CDH4: variants seen among roughly 807,000 people sequenced by gnomAD.
CDH4 encodes the protein cadherin-4.
Under a neutral mutation model 86.0 loss-of-function variants are expected in CDH4, and 33 were observed. That is an observed-to-expected ratio of 0.38 (90% CI 0.29 to 0.51). The LOEUF (loss-of-function observed/expected upper bound fraction) is 0.51, where lower values mean the gene tolerates loss of function less well. Among genes scored for constraint, CDH4 ranks in the 20% least tolerant of loss-of-function variants. The pLI is 0.86. For missense variants in CDH4, 1,114 were observed against 1,307.4 expected, an observed-to-expected ratio of 0.85 and a Z score of 2.28; for synonymous variants, 555 against 549.4, an observed-to-expected ratio of 1.01 and a Z score of -0.14.
chr20:61,330,902 A>G (rs1170538380), intron 2 of CDH4, among the ~76,000 whole-genome samples: 2 of 152,126 alleles, frequency 1.3e-5, no homozygotes, highest in South Asian at 2.1e-4. Flanking sequence ...CCAGTTTCCT[A>G]TCATAAAATC....
intron 6 of CDH4, among the ~76,000 whole-genome samples, chr20:61,856,585 C>T (rs1983021756): frequency 7.4e-6 from 1 of 134,352 alleles, no homozygotes; most frequent in Non-Finnish European, 1.6e-5. Flanking sequence ...CATTCTTCCC[C>T]AGCCCCCTAG....
intron 2 of CDH4, among the ~76,000 whole-genome samples, chr20:61,382,422 C>A (rs1266693061): frequency 6.6e-6 from 1 of 152,214 alleles, no homozygotes; most frequent in Non-Finnish European, 1.5e-5. Context: ...AAGACCCTGG[C>A]ATGGGGGACC....
chr20:61,891,463 G>A lies in CDH4; in HGVS notation c.1051-3447G>A, dbSNP rs145374429. 2.4e-4 allele frequency among the ~76,000 whole-genome samples: 36 copies of A among 152,364 alleles called. 2 individuals are homozygous for A. In the East Asian group the frequency reaches 6.8e-3, roughly 29 times the overall value. Reference sequence around the variant, plus strand: ...CGGCCCTGCAGGAGCTCTGAGTGCTGCAGTCCTCCCCCCTTCTCCAGGTGA... The same window carrying A: ...CGGCCCTGCAGGAGCTCTGAGTGCTACAGTCCTCCCCCCTTCTCCAGGTGA... On this transcript the variant is annotated intron_variant, in intron 7 of 15. Transcript: ENST00000614565.
chr20:61,765,820 C>A (rs1384222962), intron 3 of CDH4, among the ~76,000 whole-genome samples: 6 of 152,068 alleles, frequency 3.9e-5, no homozygotes, highest in Non-Finnish European at 7.4e-5. Context: ...CCCACCCTCC[C>A]ATCTCAAACC....
intron 4 of CDH4, among the ~76,000 whole-genome samples, chr20:61,782,345 A>G (rs1196449491): frequency 6.6e-6 from 1 of 152,126 alleles, no homozygotes; most frequent in Non-Finnish European, 1.5e-5. Flanking sequence ...AAATAAAGAC[A>G]TTCCTGATAA....
At chr20:61,461,668 T>C (rs1237224515) in intron 2 of CDH4, among the ~76,000 whole-genome samples, 2 of 152,158 alleles carry the variant, frequency 1.3e-5, no homozygotes, top group Non-Finnish European at 2.9e-5. Context: ...ACTGTTACTC[T>C]CTGGAATTTG....
intron 2 of CDH4, among the ~76,000 whole-genome samples, chr20:61,565,062 T>TTGGTGGTGGTGGTGGTGGTGGTGGGGG (rs2086254549): frequency 9.9e-6 from 1 of 101,218 alleles, no homozygotes. Flanking sequence ...GGTGGTGCTC[T>TTGGTGGTGGTGGTGGTGGTGGTGGGGG]TGGTGGTGGT....
chr20:61,323,489 A>G (rs2084520108), intron 2 of CDH4, among the ~76,000 whole-genome samples: 1 of 152,164 alleles, frequency 6.6e-6, no homozygotes, highest in African/African-American at 2.4e-5. Flanking sequence ...AACACAAAAT[A>G]ATGTGTGATG....
At chr20:61,521,863 G>A (rs1258861168) in intron 2 of CDH4, among the ~76,000 whole-genome samples, 3 of 152,206 alleles carry the variant, frequency 2.0e-5, no homozygotes, top group East Asian at 3.8e-4. Flanking sequence ...GGCCTGTGCT[G>A]ATTTTAGTCG....
intron 2 of CDH4, among the ~76,000 whole-genome samples, chr20:61,545,984 AGGGGTGTCTGTG>A (rs2086078708): frequency 5.8e-5 from 1 of 17,272 alleles, no homozygotes. Flanking sequence ...GTGTGTGTGG[AGGGGTGTCTGTG>A]CATGTGTGGA....
At chr20:61,746,026 G>T (rs1023541517) in intron 3 of CDH4, among the ~76,000 whole-genome samples, 7 of 152,176 alleles carry the variant, frequency 4.6e-5, no homozygotes, top group African/African-American at 1.7e-4. Flanking sequence ...CCAACCAGCG[G>T]AGCAGGGGAC....
intron 2 of CDH4, among the ~76,000 whole-genome samples, chr20:61,315,886 A>AT (rs2084473738): frequency 6.6e-6 from 1 of 151,932 alleles, no homozygotes; most frequent in South Asian, 2.1e-4. Flanking sequence ...TGTTTTTTGT[A>AT]TTTTTTGTAG....
At chr20:61,272,682 G>T (rs1006311508) in intron 2 of CDH4, among the ~76,000 whole-genome samples, 3 of 152,054 alleles carry the variant, frequency 2.0e-5, no homozygotes, top group African/African-American at 7.2e-5. Context: ...ACAGTTTGGG[G>T]AAGTACCCTG....
chr20:61,934,072 A>T lies in CDH4; in HGVS notation c.2396A>T (p.Gln799Leu). The T allele has an allele frequency of 6.2e-7, 1 of 1,611,044 alleles. No individual in the cohort carries two copies. Among genetic ancestry groups the T allele is most frequent in the East Asian group, 2.2e-5 (1 of 44,848 alleles). The change falls in exon 15 of 16, where the codon CAG becomes CTG. Residue 799 changes from glutamine (Q) to leucine (L), a missense_variant. Transcript: ENST00000614565. ...GEEDQDYDLSQLQQPEAMGHV... is the reference protein window; with the variant it reads ...GEEDQDYDLSLLQQPEAMGHV... ...CTCCCCCAGGACTACGACCTCAGCC[A>T]GCTGCAGCAGCCGGAAGCCATGGGG...
At chr20:61,765,593 A>G (rs2088688911) in intron 3 of CDH4, among the ~76,000 whole-genome samples, 1 of 152,124 alleles carries the variant, frequency 6.6e-6, no homozygotes, top group Non-Finnish European at 1.5e-5. Context: ...GAGGAGGAGG[A>G]CGGTGTCTCC....
intron 12 of CDH4, among the ~76,000 whole-genome samples, chr20:61,929,159 C>G (rs201034546): frequency 2.0e-5 from 3 of 148,530 alleles, no homozygotes; most frequent in Admixed American, 1.3e-4. Context: ...TCTCCAATGT[C>G]TTTTTTTTTT....
chr20:61,451,123 C>G (rs1600689714), intron 2 of CDH4, among the ~76,000 whole-genome samples: 1 of 73,138 alleles, frequency 1.4e-5, no homozygotes, highest in African/African-American at 1.1e-4. Context: ...CCCTCTCACG[C>G]CCCCCCCCTT....
chr20:61,534,665 CTTTTTT>C (rs34309371), intron 2 of CDH4, among the ~76,000 whole-genome samples: 1 of 76,066 alleles, frequency 1.3e-5, no homozygotes, highest in African/African-American at 1.1e-4. Context: ...TTCTTTCTTT[CTTTTTT>C]TTTTTTTTTT....
At chr20:61,868,496 G>A (rs912674936) in intron 6 of CDH4, among the ~76,000 whole-genome samples, 1 of 152,288 alleles carries the variant, frequency 6.6e-6, no homozygotes, top group Admixed American at 6.5e-5. Context: ...ATCATAGACA[G>A]TAGAGGGAAG....
Sources: gnomAD v4.1 joint callset for allele counts (sites outside exome capture counted in the v4.1 genomes callset) on GRCh38, gnomAD v4.1.1 for gene constraint, MANE v1.5 for transcripts, NCBI Gene and HGNC (gene_info 2026-07-23, HGNC 2026-07-21) for gene names.